Variants in AHR observed in about 807,000 individuals in gnomAD.
AHR encodes the protein AH-receptor.
A neutral mutation model predicts 86.8 loss-of-function variants in AHR; 40 were observed. The ratio of observed to expected loss-of-function variants is 0.46; its 90% CI spans 0.36 to 0.60. The LOEUF (loss-of-function observed/expected upper bound fraction) is 0.60, where lower values mean the gene tolerates loss of function less well. Among genes scored for constraint, AHR ranks in the 20% least tolerant of loss-of-function variants. The pLI, the probability that AHR is intolerant of heterozygous loss-of-function variation, is 0.00. For missense variants in AHR, 1,001 were observed against 1,011.6 expected (o/e 0.99, Z 0.14); for synonymous variants, 398 against 354.9 (o/e 1.12, Z -1.37).
chr7:17,323,721 G>C (rs1425328843), intron 3 of AHR, among the ~76,000 whole-genome samples: 3 of 152,064 alleles, frequency 2.0e-5, no homozygotes, highest in Non-Finnish European at 2.9e-5. Flanking sequence ...TTACAATTGT[G>C]TAATCACATT....
At chr7:17,325,026 C>T (rs1782213969) in intron 3 of AHR, among the ~76,000 whole-genome samples, 1 of 152,096 alleles carries the variant, frequency 6.6e-6, no homozygotes, top group Middle Eastern at 3.2e-3. Flanking sequence ...TTTTATATAA[C>T]AGTATTGCAG....
At chr7:17,332,218 A>C (rs1782304141) in intron 6 of AHR, among the ~76,000 whole-genome samples, 1 of 152,038 alleles carries the variant, frequency 6.6e-6, no homozygotes, top group South Asian at 2.1e-4. Context: ...TATATGATAC[A>C]TAATACTTGA....
At chr7:17,309,157 T>A (rs1782036335) in intron 1 of AHR, among the ~76,000 whole-genome samples, 1 of 152,198 alleles carries the variant, frequency 6.6e-6, no homozygotes, top group African/African-American at 2.4e-5. Flanking sequence ...CCCATAAGTG[T>A]CTTTATTCTC....
rs142072959 is a variant in AHR, at chr7:17,303,360, G to A, written c.65+4031G>A. On this transcript the variant is annotated intron_variant, in intron 1 of 10. Transcript: ENST00000242057. ...CTTGTGTTCTTACTGACTTGTGTTC[G>A]TACTGTCCAGGTGAACAGATTCAGT... Among the ~76,000 whole-genome samples, 932 of 152,130 alleles carry A rather than the reference G, an allele frequency of 6.1e-3. 11 individuals are homozygous for A. Among genetic ancestry groups the A allele is most frequent in the African/African-American group, 0.021 (882 of 41,544 alleles).
chr7:17,330,412 A>C (rs922033999), intron 5 of AHR, among the ~76,000 whole-genome samples: 1 of 152,092 alleles, frequency 6.6e-6, no homozygotes, highest in Admixed American at 6.6e-5. Context: ...AATGCACCAA[A>C]GAAAAAAGTA....
At chr7:17,314,205 C>T (rs1259648632) in intron 2 of AHR, among the ~76,000 whole-genome samples, 1 of 152,062 alleles carries the variant, frequency 6.6e-6, no homozygotes, top group Non-Finnish European at 1.5e-5. Context: ...CAAAGTCTTG[C>T]ATTTGCAGCT....
chr7:17,339,251 T>A lies in AHR; in HGVS notation c.1426T>A (p.Ser476Thr). The stretch of plus-strand genomic sequence containing the variant: ...TTATCTCTATCCTGCTTCAAGTACT[T>A]CAAGTACTGCACCTTTTGAAAACAA... ...SIYLYPASST[S>T]STAPFENNFF... is the part of the protein sequence containing the mutation. Residue 476 changes from serine to threonine, a missense_variant, in exon 10 of 11, where the codon TCA (serine) becomes ACA (threonine). Around this residue, in one of 2 missense-constraint regions of AHR, gnomAD observed 607 missense variants for 543.1 expected, o/e 1.12. Coordinates refer to ENST00000242057, the MANE Select transcript of AHR (RefSeq NM_001621.5). 1.2e-6 allele frequency: 2 copies of A among 1,614,196 alleles called. No homozygotes were observed. The highest frequency in any genetic ancestry group is 1.7e-6 in the Non-Finnish European group (2 of 1,180,038).
Position 17,339,948 on chromosome 7 carries a change from T to TA in AHR, c.2124dup (p.Pro709ThrfsTer17). On this transcript the variant is annotated frameshift_variant, in exon 10 of 11. Transcript: ENST00000242057. ...TTTATTTCCTGTAATCAGCCTGTAT[T>TA]ACCACAACATTCCAAATGTACAGAG... is the stretch of plus-strand genomic sequence containing the variant. 1 of 1,614,206 alleles carries TA rather than the reference T, an allele frequency of 6.2e-7. No homozygotes were observed.
At chr7:17,314,367 T>C (rs1253809266) in intron 2 of AHR, among the ~76,000 whole-genome samples, 1 of 152,108 alleles carries the variant, frequency 6.6e-6, no homozygotes, top group Non-Finnish European at 1.5e-5. Context: ...TCATTAAGCC[T>C]AAAAATGCTG....
intron 2 of AHR, among the ~76,000 whole-genome samples, chr7:17,316,193 A>C (rs939160707): frequency 1.3e-5 from 2 of 152,160 alleles, no homozygotes; most frequent in African/African-American, 4.8e-5. Context: ...AACTGAAATG[A>C]AATGAAAGTG....
At chr7:17,342,419 A>G (rs1336409274) in intron 10 of AHR, among the ~76,000 whole-genome samples, 8 of 152,170 alleles carry the variant, frequency 5.3e-5, no homozygotes, top group African/African-American at 1.9e-4. Context: ...TAAGAAAATC[A>G]TACCTGTGGT....
Position 17,343,285 on chromosome 7 carries a change from C to T in AHR, c.*221C>T. 1.8e-6 allele frequency: 1 copy of T among 562,638 alleles called. No homozygotes were observed. Among genetic ancestry groups the T allele is most frequent in the Non-Finnish European group, 3.1e-6 (1 of 325,760 alleles). The allele number at this position is 562,638 out of a possible 1,614,324, so 34.9% of individuals were successfully genotyped here. On this transcript the variant is annotated 3_prime_UTR_variant, in exon 11 of 11. Coordinates refer to ENST00000242057, the MANE Select transcript of AHR (RefSeq NM_001621.5). The stretch of plus-strand genomic sequence containing the variant: ...TACTACAGTCAAGATAGAAAGGGTG[C>T]TGCCACGGAGTGGTGAGGTACCGTC...
In AHR at chr7:17,339,974, C is replaced by A; in HGVS notation, c.2149C>A (p.Leu717Met). Residue 717 changes from leucine (L) to methionine (M), a missense_variant, in exon 10 of 11, where the codon CTG (leucine) becomes ATG (methionine). Leu to Met is a conservative substitution (Grantham distance 15, BLOSUM62 2). This residue lies in a region of AHR where 607 missense variants were observed against 543.1 expected (regional missense o/e 1.12). Transcript: ENST00000242057. ...VLPQHSKCTE[L>M]DYPMGSFEPS... ...ACCACAACATTCCAAATGTACAGAGCTGGACTACCCTATGGGGAGTTTTGA... is the reference window on the plus strand; with the variant it reads ...ACCACAACATTCCAAATGTACAGAGATGGACTACCCTATGGGGAGTTTTGA... 2 of 1,614,186 alleles carry A rather than the reference C, an allele frequency of 1.2e-6. No homozygotes were observed. The highest frequency in any genetic ancestry group is 1.7e-6 in the Non-Finnish European group (2 of 1,180,016).
rs990553156 is a variant in AHR, at chr7:17,339,917, C to G, written c.2092C>G (p.Gln698Glu). 5.0e-6 allele frequency: 8 copies of G among 1,614,036 alleles called. No homozygotes were observed. The highest frequency in any genetic ancestry group is 2.7e-5 in the African/African-American group (2 of 74,922). Residue 698 changes from glutamine to glutamate, a missense_variant, in exon 10 of 11, where the codon CAG (glutamine) becomes GAG (glutamate). Physicochemically the swap from Gln to Glu is conservative, Grantham distance 29. Transcript: ENST00000242057. ...TGAAATGGATTCTATGCCTTATACA[C>G]AGAACTTTATTTCCTGTAATCAGCC... ...KSEMDSMPYT[Q>E]NFISCNQPVL...
intron 3 of AHR, among the ~76,000 whole-genome samples, chr7:17,325,787 C>A (rs1351906287): frequency 6.6e-6 from 1 of 151,974 alleles, no homozygotes; most frequent in Admixed American, 6.6e-5. Context: ...ACACTGGGGC[C>A]GTTTAGAGGC....
chr7:17,302,810 A>AT lies in AHR; in HGVS notation c.65+3481_65+3482insT, dbSNP rs1554265199. ...CACAACTAAAACAGAACAAAAAAAA[A>AT]ATATATATATATATATAAACTGTGA... On this transcript the variant is annotated intron_variant, in intron 1 of 10. Transcript: ENST00000242057. Among the ~76,000 whole-genome samples, 1,299 of 149,832 alleles carry AT rather than the reference A, an allele frequency of 8.7e-3. 13 individuals carry two copies. Among genetic ancestry groups the AT allele is most frequent in the African/African-American group, 0.022 (887 of 41,008 alleles).
intron 9 of AHR, 120 bp downstream of exon 9, chr7:17,335,906 C>T: frequency 9.3e-7 from 1 of 1,076,022 alleles, no homozygotes; most frequent in Admixed American, 2.8e-5. Context: ...AAGTTTAATT[C>T]ATCTAGAAAG....
At position 17,344,248 on chromosome 7, in the gene AHR, A is replaced by G. The variant is rs1051965612; in HGVS notation, c.*1184A>G. The G allele has an allele frequency of 6.5e-6, 1 of 152,774 alleles. No individual in the cohort carries two copies. The highest frequency in any genetic ancestry group is 2.4e-5 in the African/African-American group (1 of 41,448). The allele number at this position is 152,774 out of a possible 1,614,324, so 9.5% of individuals were successfully genotyped here. ...CTATGTGTTTTTCTCATATTTGAGG[A>G]GTGTTAAGATTGCAGATAGCAAGGT... is the stretch of plus-strand genomic sequence containing the variant. On this transcript the variant is annotated 3_prime_UTR_variant, in exon 11 of 11. Coordinates refer to ENST00000242057, the MANE Select transcript of AHR (RefSeq NM_001621.5).
At chr7:17,301,928 A>T (rs1455824178) in intron 1 of AHR, among the ~76,000 whole-genome samples, 2 of 151,888 alleles carry the variant, frequency 1.3e-5, no homozygotes, top group Admixed American at 6.6e-5. Context: ...CTTTGCTTAG[A>T]CTGTTGCCCC....
Sources: gnomAD v4.1 joint callset for allele counts (sites outside exome capture counted in the v4.1 genomes callset) on GRCh38, gnomAD v4.1.1 for gene constraint, gnomAD v4.1.1 regional missense constraint, MANE v1.5 for transcripts, NCBI Gene and HGNC (gene_info 2026-07-23, HGNC 2026-07-21) for gene names.